The following ZNF516 variants were observed in gnomAD, a reference collection of about 807,000 sequenced individuals.
ZNF516 encodes the protein zinc finger protein 516.
A neutral mutation model predicts 79.7 loss-of-function variants in ZNF516; 19 were observed. That is an observed-to-expected ratio of 0.24 (90% CI 0.17 to 0.35). The LOEUF is 0.35. Ranked by LOEUF, ZNF516 falls within the 10% of genes least tolerant of loss-of-function variation. ZNF516 has a pLI of 1.00. For synonymous variants in ZNF516, 877 were observed against 739.5 expected, an observed-to-expected ratio of 1.19 and a Z score of -3.02; for missense variants, 1,678 against 1,679.5, an observed-to-expected ratio of 1.00 and a Z score of 0.02.
Position 76,357,768 on chromosome 18 carries a change from C to T in ZNF516, c.*4730G>A, listed in dbSNP as rs911575359. 6.6e-6 allele frequency among the ~76,000 whole-genome samples: 1 copy of T among 152,188 alleles called. No individual in the cohort carries two copies. The highest frequency in any genetic ancestry group is 2.4e-5 in the African/African-American group (1 of 41,444). The stretch of plus-strand genomic sequence containing the variant: ...AGTAAACCATTGCAAACCACAGTGC[C>T]AGCCCTTGTGTCCCCACATTTTTGA... On this transcript the variant is annotated 3_prime_UTR_variant, in exon 7 of 7. Coordinates refer to ENST00000443185, the MANE Select transcript of ZNF516 (RefSeq NM_014643.4).
At chr18:76,469,860 A>G (rs1913723564) in intron 1 of ZNF516, among the ~76,000 whole-genome samples, 1 of 152,250 alleles carries the variant, frequency 6.6e-6, no homozygotes, top group African/African-American at 2.4e-5. Context: ...TGTTACATAT[A>G]TTTTATCACA....
At chr18:76,407,447 G>A (rs992349337) in intron 3 of ZNF516, among the ~76,000 whole-genome samples, 4 of 152,126 alleles carry the variant, frequency 2.6e-5, no homozygotes, top group African/African-American at 9.7e-5. Flanking sequence ...GGGGAGTGGA[G>A]AGGAGGAAAC....
chr18:76,467,373 C>G lies in ZNF516; in HGVS notation c.-271-4232G>C, dbSNP rs71363003. On this transcript the variant is annotated intron_variant, in intron 1 of 6. Coordinates refer to ENST00000443185, the MANE Select transcript of ZNF516 (RefSeq NM_014643.4). This position sits in a 1 kb window ranked among gnomAD's most constrained non-coding sequence, Gnocchi z 4.2. ...TCTCTCGGAACCTGCAGCTCACAGC[C>G]CCTCTGGGCTGGCAGGAAGTCCTGC... is the stretch of plus-strand genomic sequence containing the variant. Among the ~76,000 whole-genome samples, 2,358 of 143,938 alleles carry G rather than the reference C, an allele frequency of 0.016. 105 individuals carry two copies. The highest frequency in any genetic ancestry group is 0.044 in the African/African-American group (1,614 of 36,878). The allele number at this position is 143,938 out of a possible 152,430, so 94.4% of individuals were successfully genotyped here. A position where few individuals can be genotyped will look rare whatever the true frequency, so the allele number is the denominator to read the frequency against.
At chr18:76,404,857 G>A (rs1030638983) in intron 3 of ZNF516, among the ~76,000 whole-genome samples, 5 of 152,226 alleles carry the variant, frequency 3.3e-5, no homozygotes, top group Non-Finnish European at 7.3e-5. Flanking sequence ...GTGCATGTGT[G>A]AGCATCTGTC....
At chr18:76,463,466 C>T (rs1160872872) in intron 1 of ZNF516, among the ~76,000 whole-genome samples, 1 of 152,230 alleles carries the variant, frequency 6.6e-6, no homozygotes, top group Non-Finnish European at 1.5e-5. Context: ...GTCAATCCAG[C>T]CTATCAAAAT....
intron 3 of ZNF516, among the ~76,000 whole-genome samples, chr18:76,429,792 A>T (rs890031317): frequency 2.0e-5 from 3 of 152,250 alleles, no homozygotes. Flanking sequence ...TGCGCCGAGC[A>T]GTGGCTACGG....
chr18:76,452,750 T>C (rs1912493120), intron 2 of ZNF516, among the ~76,000 whole-genome samples: 1 of 152,206 alleles, frequency 6.6e-6, no homozygotes, highest in Admixed American at 6.5e-5. Context: ...AGTATGAAGC[T>C]GCCCGTGTGT....
intron 1 of ZNF516, chr18:76,491,073 T>C (rs1321517804): frequency 2.6e-5 from 26 of 984,950 alleles, no homozygotes; most frequent in African/African-American, 7.0e-5. Context: ...GTGTGAACAC[T>C]TATGTAATCG....
chr18:76,427,664 T>C (rs1336099860), intron 3 of ZNF516, among the ~76,000 whole-genome samples: 1 of 152,072 alleles, frequency 6.6e-6, no homozygotes, highest in African/African-American at 2.4e-5. Flanking sequence ...ACCTCTACAA[T>C]AAAAGACTTC....
chr18:76,371,299 G>A (rs2074699280), intron 5 of ZNF516, among the ~76,000 whole-genome samples, 168 bp downstream of exon 5: 1 of 152,226 alleles, frequency 6.6e-6, no homozygotes, highest in Non-Finnish European at 1.5e-5. Context: ...TTTCAGGTGT[G>A]GAGTGGGGGC....
chr18:76,367,901 A>G (rs2074641688), intron 6 of ZNF516, among the ~76,000 whole-genome samples: 1 of 152,236 alleles, frequency 6.6e-6, no homozygotes, highest in Non-Finnish European at 1.5e-5. Flanking sequence ...ATGTATATCT[A>G]TAAAAGTCCA....
chr18:76,460,605 T>C (rs955159218), intron 2 of ZNF516, among the ~76,000 whole-genome samples: 1 of 152,042 alleles, frequency 6.6e-6, no homozygotes, highest in Admixed American at 6.6e-5. Context: ...GGGAGGAAGG[T>C]GGCTGATCGA....
intron 3 of ZNF516, among the ~76,000 whole-genome samples, chr18:76,415,064 G>C (rs1049446889): frequency 6.6e-6 from 1 of 152,156 alleles, no homozygotes; most frequent in Non-Finnish European, 1.5e-5. Flanking sequence ...CAAGTGTAGT[G>C]GTACATGCCT....
Position 76,371,583 on chromosome 18 carries a change from A to G in ZNF516, c.3260-12T>C, listed in dbSNP as rs1599135914. On this transcript the variant is annotated splice_polypyrimidine_tract_variant and intron_variant, in intron 4 of 6. Coordinates refer to ENST00000443185, the MANE Select transcript of ZNF516 (RefSeq NM_014643.4). ...CGTCCGGAGTGTCCCTGCGGTGGCG[A>G]GGTGGTGGTGGTGGCAGGGCCGTGG... 1 of 1,605,882 alleles carries G rather than the reference A, an allele frequency of 6.2e-7. No individual in the cohort carries two copies. The highest frequency in any genetic ancestry group is 8.5e-7 in the Non-Finnish European group (1 of 1,178,422).
At chr18:76,464,732 G>A (rs1466829663) in intron 1 of ZNF516, among the ~76,000 whole-genome samples, 1 of 152,186 alleles carries the variant, frequency 6.6e-6, no homozygotes, top group East Asian at 1.9e-4. Flanking sequence ...TTCAGATGGG[G>A]ACAGTGGCCT....
rs147262240 is a variant in ZNF516, at chr18:76,437,806, T to A, written c.1810+3439A>T. Among the ~76,000 whole-genome samples the A allele has an allele frequency of 4.0e-3, 603 of 152,330 alleles. 7 individuals carry two copies. The highest frequency in any genetic ancestry group is 0.013 in the African/African-American group (543 of 41,566). On this transcript the variant is annotated intron_variant, in intron 3 of 6. Transcript: ENST00000443185. Reference sequence around the variant, plus strand: ...AGCCTGTATATGTTCAGTACAGATATAAACATCTATTTTTCTTTAATATTT... The same window carrying A: ...AGCCTGTATATGTTCAGTACAGATAAAAACATCTATTTTTCTTTAATATTT...
chr18:76,408,496 G>A (rs2075331048), intron 3 of ZNF516, among the ~76,000 whole-genome samples: 1 of 152,198 alleles, frequency 6.6e-6, no homozygotes, highest in Non-Finnish European at 1.5e-5. Context: ...AGTACACTGT[G>A]AGGTTTAAGG....
rs776615382 is a variant in ZNF516, at chr18:76,357,864, G to A, written c.*4634C>T. On this transcript the variant is annotated 3_prime_UTR_variant, in exon 7 of 7. Coordinates refer to ENST00000443185, the MANE Select transcript of ZNF516 (RefSeq NM_014643.4). ...GTCCATCCCTGTGCGTCCTGTATGGGTGACAGTGCAAGGGTAAGAACAGTG... is the reference window on the plus strand; with the variant it reads ...GTCCATCCCTGTGCGTCCTGTATGGATGACAGTGCAAGGGTAAGAACAGTG... 1.3e-5 allele frequency among the ~76,000 whole-genome samples: 2 copies of A among 152,112 alleles called. No individual in the cohort carries two copies. Among genetic ancestry groups the A allele is most frequent in the Non-Finnish European group, 2.9e-5 (2 of 68,034 alleles).
chr18:76,364,119 T>C (rs1294998723), intron 6 of ZNF516, among the ~76,000 whole-genome samples: 1 of 152,252 alleles, frequency 6.6e-6, no homozygotes, highest in African/African-American at 2.4e-5. Flanking sequence ...CAGAAGGCTT[T>C]AAAAATATTT....
Sources: gnomAD v4.1 joint callset for allele counts (sites outside exome capture counted in the v4.1 genomes callset) on GRCh38, gnomAD v4.1.1 for gene constraint, Gnocchi (gnomAD v3.1) non-coding constraint, MANE v1.5 for transcripts, NCBI Gene and HGNC (gene_info 2026-07-23, HGNC 2026-07-21) for gene names.